Variants in ANKFN1 observed in about 807,000 individuals in gnomAD.
ANKFN1 encodes ankyrin repeat and fibronectin type III domain containing 1, also known as ankyrin repeat and fibronectin type-III domain-containing protein 1.
ANKFN1 carries 74 observed loss-of-function variants against 108.7 expected under a neutral mutation model. The observed-to-expected ratio is 0.68, with a 90% confidence interval of 0.56 to 0.83. The LOEUF (loss-of-function observed/expected upper bound fraction) is 0.83, where lower values mean the gene tolerates loss of function less well. Ranked by LOEUF, ANKFN1 falls within the 40% of genes least tolerant of loss-of-function variation. ANKFN1 has a pLI of 0.00. For synonymous variants in ANKFN1, 547 were observed against 516.2 expected (o/e 1.06, Z -0.81); for missense variants, 1,505 against 1,382.3 (o/e 1.09, Z -1.41).
chr17:56,244,613 T>C (rs1435954358), intron 3 of ANKFN1, among the ~76,000 whole-genome samples: 1 of 152,154 alleles, frequency 6.6e-6, no homozygotes, highest in Non-Finnish European at 1.5e-5. Flanking sequence ...AACTATATGC[T>C]GAGTCATTTC....
chr17:56,470,179 A>G (rs1243289510), intron 15 of ANKFN1, among the ~76,000 whole-genome samples: 1 of 152,114 alleles, frequency 6.6e-6, no homozygotes, highest in Non-Finnish European at 1.5e-5. Context: ...TTCTTTATCC[A>G]GTCTATCATT....
At chr17:56,342,250 G>C (rs1343903352) in intron 4 of ANKFN1, among the ~76,000 whole-genome samples, 2 of 144,158 alleles carry the variant, frequency 1.4e-5, no homozygotes, top group Non-Finnish European at 3.0e-5. Flanking sequence ...CAAAGAAAAA[G>C]CTCCTTGATT....
At chr17:56,452,810 A>G (rs1397069717) in intron 11 of ANKFN1, among the ~76,000 whole-genome samples, 2 of 152,174 alleles carry the variant, frequency 1.3e-5, no homozygotes, top group African/African-American at 2.4e-5. Context: ...TGTGAGCTAT[A>G]TATAACTATA....
intron 10 of ANKFN1, among the ~76,000 whole-genome samples, chr17:56,448,644 G>C (rs541635896): frequency 1.4e-4 from 22 of 152,258 alleles, no homozygotes; most frequent in African/African-American, 4.6e-4. Context: ...AAAGCACTGG[G>C]ACTGTGGATT....
At position 56,353,980 on chromosome 17, in the gene ANKFN1, A is replaced by G. The variant is rs2046313076; in HGVS notation, c.535A>G (p.Ile179Val). Residue 179 changes from isoleucine to valine, a missense_variant, in exon 6 of 21, where the codon ATC (isoleucine) becomes GTC (valine). Ile to Val is a conservative substitution (Grantham distance 29). Transcript: ENST00000682825. ...GGGCTTGACACCCCTGGATATTGCC[A>G]TCATGACCAACAATGTGCCCATTGC... is the stretch of plus-strand genomic sequence containing the variant. ...SEGLTPLDIA[I>V]MTNNVPIARI... The G allele has an allele frequency of 5.0e-6, 8 of 1,614,046 alleles. No individual in the cohort carries two copies. Among genetic ancestry groups the G allele is most frequent in the Non-Finnish European group, 6.8e-6 (8 of 1,179,990 alleles).
intron 4 of ANKFN1, among the ~76,000 whole-genome samples, chr17:56,348,526 C>A (rs1273767587): frequency 1.3e-5 from 2 of 152,096 alleles, no homozygotes; most frequent in African/African-American, 4.8e-5. Context: ...GGTCTGATAT[C>A]CAGCATCTAC....
intron 4 of ANKFN1, among the ~76,000 whole-genome samples, chr17:56,340,443 T>C (rs1328891591): frequency 6.6e-6 from 1 of 152,094 alleles, no homozygotes; most frequent in African/African-American, 2.4e-5. Flanking sequence ...GTTTTGGGAT[T>C]TACATTTAAG....
chr17:56,378,487 A>T (rs2047001816), intron 8 of ANKFN1, among the ~76,000 whole-genome samples: 1 of 152,174 alleles, frequency 6.6e-6, no homozygotes, highest in Non-Finnish European at 1.5e-5. Context: ...ATATTTATCT[A>T]TCAAGAAAAA....
In ANKFN1 at chr17:56,456,844, T is replaced by C; in HGVS notation, c.1208-17T>C. ...GCCCAGTGGAATTTATACTGTATTT[T>C]TTAAAATACATTCCAGAAAGCACAA... is the stretch of plus-strand genomic sequence containing the variant. On this transcript the variant is annotated splice_polypyrimidine_tract_variant and intron_variant, in intron 11 of 20. Coordinates refer to ENST00000682825, the MANE Select transcript of ANKFN1 (RefSeq NM_001370326.1). 1 of 1,609,568 alleles carries C rather than the reference T, an allele frequency of 6.2e-7. No homozygotes were observed. The highest frequency in any genetic ancestry group is 8.5e-7 in the Non-Finnish European group (1 of 1,175,964).
intron 1 of ANKFN1, among the ~76,000 whole-genome samples, chr17:56,170,807 T>TATATATATATATATAC (rs1361307404): frequency 4.9e-4 from 30 of 61,438 alleles, no homozygotes; most frequent in African/African-American, 1.3e-3. Flanking sequence ...TATATATATA[T>TATATATATATATATAC]ACACACACAC....
intron 3 of ANKFN1, 123 bp downstream of exon 3, chr17:56,228,080 C>A: frequency 1.3e-6 from 1 of 750,012 alleles, no homozygotes; most frequent in Non-Finnish European, 2.1e-6. Context: ...CACACACAGC[C>A]AATCTAACAT....
At chr17:56,336,095 T>A (rs1598422885) in intron 4 of ANKFN1, among the ~76,000 whole-genome samples, 2 of 152,232 alleles carry the variant, frequency 1.3e-5, no homozygotes, top group African/African-American at 2.4e-5. Flanking sequence ...AGCTTTTTGA[T>A]GAGCTGCTGG....
chr17:56,450,003 A>T (rs1568010842), intron 11 of ANKFN1, among the ~76,000 whole-genome samples: 1 of 152,230 alleles, frequency 6.6e-6, no homozygotes. Context: ...GATCTGTGTA[A>T]CGATTCGTGG....
intron 1 of ANKFN1, among the ~76,000 whole-genome samples, chr17:56,190,190 G>GT (rs59145617): frequency 1.2e-5 from 1 of 83,926 alleles, no homozygotes; most frequent in Non-Finnish European, 2.5e-5. Flanking sequence ...TTTTTGAAGG[G>GT]TTTTTTTGTG....
At chr17:56,491,510 G>T (rs191612125) in intron 18 of ANKFN1, among the ~76,000 whole-genome samples, 69 of 152,274 alleles carry the variant, frequency 4.5e-4, no homozygotes, top group Middle Eastern at 3.4e-3. Context: ...GGAGACGAAG[G>T]CTGGACTCTT....
At chr17:56,078,739 G>A (rs755308925) in intron 4 of ANKFN1, among the ~76,000 whole-genome samples, 1 of 152,168 alleles carries the variant, frequency 6.6e-6, no homozygotes, top group Non-Finnish European at 1.5e-5. Context: ...GATCCAAAAT[G>A]TATCTCTGGA....
chr17:56,220,496 A>T (rs1915752366), intron 2 of ANKFN1, among the ~76,000 whole-genome samples: 3 of 151,740 alleles, frequency 2.0e-5, no homozygotes, highest in Admixed American at 1.3e-4. Flanking sequence ...ATCTTTATTA[A>T]AAAAAATACA....
rs565084877 is a variant in ANKFN1 at position 56,445,725 on chromosome 17, A to T, written c.1099+2792A>T. 1.4e-4 allele frequency among the ~76,000 whole-genome samples: 22 copies of T among 152,302 alleles called. No individual in the cohort carries two copies. In the South Asian group the frequency reaches 3.9e-3, roughly 27 times the overall value. On this transcript the variant is annotated intron_variant, in intron 10 of 20. Transcript: ENST00000682825. ...TTCCAGTAGGCTATAAAACTTTTTT[A>T]AAAAATATTTTTACAAAAGGCCTTA...
At chr17:56,303,841 C>G (rs570224213) in intron 3 of ANKFN1, among the ~76,000 whole-genome samples, 1 of 144,956 alleles carries the variant, frequency 6.9e-6, no homozygotes, top group Admixed American at 7.0e-5. Flanking sequence ...CACACCACCA[C>G]GCTGAGCCAA....
Sources: allele counts gnomAD v4.1 joint callset (sites outside exome capture counted in the v4.1 genomes callset), GRCh38; gene constraint gnomAD v4.1.1; transcripts MANE v1.5; gene names NCBI Gene and HGNC (gene_info 2026-07-23, HGNC 2026-07-21).